Variants in PRKAR2B observed in about 807,000 individuals in gnomAD.
PRKAR2B encodes protein kinase cAMP-dependent type II regulatory subunit beta, also known as cAMP-dependent protein kinase type II-beta regulatory subunit.
PRKAR2B carries 14 observed loss-of-function variants against 49.9 expected under a neutral mutation model. The ratio of observed to expected loss-of-function variants is 0.28; its 90% confidence interval spans 0.19 to 0.44. The LOEUF (loss-of-function observed/expected upper bound fraction) is 0.44. Among genes scored for constraint, PRKAR2B ranks in the 20% least tolerant of loss-of-function variants. The pLI, the probability that PRKAR2B is intolerant of heterozygous loss-of-function variation, is 1.00. For synonymous variants in PRKAR2B, 196 were observed against 197.7 expected (o/e 0.99, Z 0.07); for missense variants, 393 against 537.9 (o/e 0.73, Z 2.67).
intron 2 of PRKAR2B, among the ~76,000 whole-genome samples, chr7:107,075,621 A>C (rs1290131809): frequency 6.6e-6 from 1 of 151,826 alleles, no homozygotes; most frequent in Non-Finnish European, 1.5e-5. Context: ...GCTCATCTTG[A>C]ACTCTCGAGC....
intron 2 of PRKAR2B, among the ~76,000 whole-genome samples, chr7:107,097,022 A>T (rs1794852396): frequency 6.6e-6 from 1 of 152,210 alleles, no homozygotes; most frequent in Admixed American, 6.5e-5. Flanking sequence ...GATGTCTACT[A>T]GGTCTGCTTG....
Position 107,157,049 on chromosome 7 carries a change from G to A in PRKAR2B, c.984G>A (p.Lys328=). ...SGEVKITMKR[K]GKSEVEENGA... ...AAGTGAAAATTACTATGAAAAGAAA[G>A]GTAAGCATTCTAAGTCCTCAGAACC... The change falls in exon 9 of 11, where the codon AAG becomes AAA. Residue 328 remains lysine (K), a splice_region_variant and synonymous_variant. Coordinates refer to ENST00000265717, the MANE Select transcript of PRKAR2B (RefSeq NM_002736.3). 6.2e-7 allele frequency: 1 copy of A among 1,611,088 alleles called. No individual in the cohort carries two copies. The highest frequency in any genetic ancestry group is 8.5e-7 in the Non-Finnish European group (1 of 1,177,268).
chr7:107,115,611 T>C (rs1485624037), intron 2 of PRKAR2B, among the ~76,000 whole-genome samples: 1 of 152,166 alleles, frequency 6.6e-6, no homozygotes, highest in African/African-American at 2.4e-5. Flanking sequence ...TTTATGTAAA[T>C]GGTGATGTCA....
intron 1 of PRKAR2B, among the ~76,000 whole-genome samples, chr7:107,061,274 C>G (rs971931138): frequency 6.6e-6 from 1 of 151,896 alleles, no homozygotes; most frequent in Non-Finnish European, 1.5e-5. Flanking sequence ...TGTAGAAAAT[C>G]TTTATTGGTA....
chr7:107,155,571 C>T (rs550143500), intron 8 of PRKAR2B, among the ~76,000 whole-genome samples: 9 of 152,188 alleles, frequency 5.9e-5, no homozygotes, highest in East Asian at 3.9e-4. Context: ...TTCTGACTGG[C>T]GTGAGATGGT....
intron 2 of PRKAR2B, among the ~76,000 whole-genome samples, chr7:107,075,236 G>A (rs886077277): frequency 3.3e-5 from 5 of 151,588 alleles, no homozygotes; most frequent in Admixed American, 1.3e-4. Context: ...CTGAGTAGCT[G>A]GGACTACAGC....
rs528325024 is a variant in PRKAR2B, at chr7:107,057,628, T to TTC, written c.307+12414_307+12415insTC. Among the ~76,000 whole-genome samples the TTC allele has an allele frequency of 1.5e-3, 224 of 152,298 alleles. 2 individuals carry two copies. The highest frequency in any genetic ancestry group is 5.2e-3 in the African/African-American group (216 of 41,572). ...CATTTATAACTTTTGGGAACTTGAA[T>TTC]AAGTTACGTATTTTATGATGAGTGC... On this transcript the variant is annotated intron_variant, in intron 1 of 10. Transcript: ENST00000265717.
chr7:107,097,294 T>C (rs572007160), intron 2 of PRKAR2B, among the ~76,000 whole-genome samples: 62 of 152,182 alleles, frequency 4.1e-4, no homozygotes, highest in Non-Finnish European at 7.4e-4. Flanking sequence ...TCTTTGTTGG[T>C]TTAAAGTCTG....
intron 1 of PRKAR2B, among the ~76,000 whole-genome samples, chr7:107,069,146 T>G (rs571046692): frequency 8.5e-5 from 13 of 152,238 alleles, no homozygotes; most frequent in Middle Eastern, 3.4e-3. Flanking sequence ...ATGTTGGCCA[T>G]GCTGGTCTCA....
chr7:107,080,692 G>A (rs933097089), intron 2 of PRKAR2B, among the ~76,000 whole-genome samples: 1 of 152,092 alleles, frequency 6.6e-6, no homozygotes, highest in Non-Finnish European at 1.5e-5. Flanking sequence ...TTTCCTTAAG[G>A]CTAACTCTGT....
chr7:107,085,895 A>C (rs1474098308), intron 2 of PRKAR2B, among the ~76,000 whole-genome samples: 2 of 152,166 alleles, frequency 1.3e-5, no homozygotes, highest in Non-Finnish European at 2.9e-5. Flanking sequence ...CATCTACAGG[A>C]TATATTTTTT....
rs989608281 is a variant in PRKAR2B, at chr7:107,161,746, C to T, written c.*2164C>T. On this transcript the variant is annotated 3_prime_UTR_variant, in exon 11 of 11. Coordinates refer to ENST00000265717, the MANE Select transcript of PRKAR2B (RefSeq NM_002736.3). ...AGATTTATTTGGCCATTTAGAATAA[C>T]CAAATCAATCTGGCTAACTAGGAAT... 6.6e-6 allele frequency: 1 copy of T among 152,064 alleles called. No homozygotes were observed. Among genetic ancestry groups the T allele is most frequent in the African/African-American group, 2.4e-5 (1 of 41,402 alleles). The allele number at this position is 152,064 out of a possible 1,614,324, so 9.4% of individuals were successfully genotyped here.
At chr7:107,087,546 A>G (rs1349265336) in intron 2 of PRKAR2B, among the ~76,000 whole-genome samples, 1 of 152,154 alleles carries the variant, frequency 6.6e-6, no homozygotes, top group African/African-American at 2.4e-5. Flanking sequence ...GGGCACTGTT[A>G]CTGTTCTAAT....
intron 3 of PRKAR2B, among the ~76,000 whole-genome samples, chr7:107,122,348 G>A (rs933735715): frequency 1.3e-5 from 2 of 152,104 alleles, no homozygotes; most frequent in Non-Finnish European, 2.9e-5. Flanking sequence ...TTATAACAAC[G>A]GAAAGTTACT....
intron 2 of PRKAR2B, among the ~76,000 whole-genome samples, chr7:107,088,641 C>T (rs920448046): frequency 6.6e-6 from 1 of 151,924 alleles, no homozygotes; most frequent in Non-Finnish European, 1.5e-5. Context: ...GCTCTGTTTC[C>T]CAGGCTGGAG....
At chr7:107,090,622 C>T (rs556684061) in intron 2 of PRKAR2B, among the ~76,000 whole-genome samples, 65 of 152,286 alleles carry the variant, frequency 4.3e-4, no homozygotes, top group African/African-American at 1.5e-3. Context: ...TCTGTTGGCT[C>T]GCTGAGCTTC....
rs150734077 is a variant in PRKAR2B, at chr7:107,076,497, G to A, written c.343+6181G>A. Among the ~76,000 whole-genome samples the A allele has an allele frequency of 1.2e-3, 177 of 152,020 alleles. 1 individual carries two copies. The highest frequency in any genetic ancestry group is 4.0e-3 in the African/African-American group (167 of 41,446). On this transcript the variant is annotated intron_variant, in intron 2 of 10. Coordinates refer to ENST00000265717, the MANE Select transcript of PRKAR2B (RefSeq NM_002736.3). ...TAACCATAAGACAGTTCCCTATACC[G>A]CCTGTTATGCATTCATAGATGGCAT...
intron 2 of PRKAR2B, among the ~76,000 whole-genome samples, chr7:107,104,346 A>G (rs1030304998): frequency 2.0e-5 from 3 of 152,136 alleles, no homozygotes; most frequent in Admixed American, 1.3e-4. Context: ...CCTCGCCTCA[A>G]AAAAATTCCT....
At chr7:107,112,412 G>A (rs1219018302) in intron 2 of PRKAR2B, among the ~76,000 whole-genome samples, 1 of 151,512 alleles carries the variant, frequency 6.6e-6, no homozygotes, top group Non-Finnish European at 1.5e-5. Flanking sequence ...TTTAAGTCTT[G>A]ATCTGAAGAA....
Sources: gnomAD v4.1 joint callset for allele counts (sites outside exome capture counted in the v4.1 genomes callset) on GRCh38, gnomAD v4.1.1 for gene constraint, MANE v1.5 for transcripts, NCBI Gene and HGNC (gene_info 2026-07-23, HGNC 2026-07-21) for gene names.